The following KCND2 variants were observed in gnomAD, a reference collection of about 807,000 sequenced individuals.
KCND2 encodes A-type voltage-gated potassium channel KCND2.
In KCND2, 16 loss-of-function variants were observed where a neutral mutation model predicts 54.4. The ratio of observed to expected loss-of-function variants is 0.29; its 90% CI spans 0.20 to 0.45. The LOEUF (loss-of-function observed/expected upper bound fraction) is 0.45. Ranked by LOEUF, KCND2 falls within the 20% of genes least tolerant of loss-of-function variation. The pLI is 1.00. For synonymous variants in KCND2, 317 were observed against 310.7 expected, an observed-to-expected ratio of 1.02 and a Z score of -0.21; for missense variants, 486 against 824.2, an observed-to-expected ratio of 0.59 and a Z score of 5.02.
chr7:120,525,166 T>G (rs1791757879), intron 1 of KCND2, among the ~76,000 whole-genome samples: 1 of 152,184 alleles, frequency 6.6e-6, no homozygotes, highest in Admixed American at 6.5e-5. Flanking sequence ...TACTAACTCT[T>G]TCCCCAAATG....
chr7:120,302,345 C>T (rs192871650), intron 1 of KCND2, among the ~76,000 whole-genome samples: 14 of 152,262 alleles, frequency 9.2e-5, no homozygotes, highest in African/African-American at 2.4e-4. Context: ...CTGCAACGTA[C>T]GCCTCTGAGG....
chr7:120,406,997 C>G (rs570832985), intron 1 of KCND2, among the ~76,000 whole-genome samples: 88 of 151,822 alleles, frequency 5.8e-4, no homozygotes, highest in African/African-American at 2.1e-3. Flanking sequence ...AGCTATTCCT[C>G]GGGGATGCAG....
chr7:120,585,715 G>A (rs1399045705), intron 1 of KCND2, among the ~76,000 whole-genome samples: 1 of 152,142 alleles, frequency 6.6e-6, no homozygotes, highest in Non-Finnish European at 1.5e-5. Flanking sequence ...ATCTGGGCCA[G>A]GGCACTAAAG....
intron 1 of KCND2, among the ~76,000 whole-genome samples, chr7:120,630,963 T>C (rs1793226615): frequency 6.6e-6 from 1 of 152,134 alleles, no homozygotes; most frequent in African/African-American, 2.4e-5. Context: ...AAATCTTTGG[T>C]TTAGTGATTA....
intron 1 of KCND2, among the ~76,000 whole-genome samples, chr7:120,601,726 T>C (rs571723449): frequency 1.8e-4 from 27 of 152,290 alleles, no homozygotes; most frequent in African/African-American, 6.3e-4. Context: ...CCTTTAGCAC[T>C]GCAAAGACAC....
intron 1 of KCND2, among the ~76,000 whole-genome samples, chr7:120,611,141 A>G (rs111618555): frequency 0.039 from 5,974 of 152,296 alleles, 156 homozygotes; most frequent in Non-Finnish European, 0.065. Flanking sequence ...TGGTAAATAG[A>G]CAAGTCTACC....
chr7:120,444,477 C>T (rs1200554161), intron 1 of KCND2, among the ~76,000 whole-genome samples: 7 of 152,096 alleles, frequency 4.6e-5, no homozygotes, highest in Non-Finnish European at 1.0e-4. Flanking sequence ...GCCCTTACAT[C>T]AACATCTATA....
intron 1 of KCND2, among the ~76,000 whole-genome samples, chr7:120,294,552 A>G (rs1296088241): frequency 6.6e-6 from 1 of 151,864 alleles, no homozygotes; most frequent in East Asian, 1.9e-4. Flanking sequence ...ATACATTTAC[A>G]TATTTATAAA....
rs2116239133 is a variant in KCND2, at chr7:120,273,706, C to T, written c.-927C>T. 1 of 152,818 alleles carries T rather than the reference C, an allele frequency of 6.5e-6. No individual in the cohort carries two copies. Among genetic ancestry groups the T allele is most frequent in the East Asian group, 1.9e-4 (1 of 5,166 alleles). The allele number at this position is 152,818 out of a possible 1,614,324, so 9.5% of individuals were successfully genotyped here. On this transcript the variant is annotated 5_prime_UTR_variant, in exon 1 of 6. Coordinates refer to ENST00000331113, the MANE Select transcript of KCND2 (RefSeq NM_012281.3). ...GCTGCTTTCTCTCCTCTTCCCTTTC[C>T]GGGTGCACGGCGAGGAGAAAGTCTC...
At chr7:120,447,140 G>A (rs905983263) in intron 1 of KCND2, among the ~76,000 whole-genome samples, 1 of 152,012 alleles carries the variant, frequency 6.6e-6, no homozygotes, top group Admixed American at 6.5e-5. Flanking sequence ...TAGGAAGTTG[G>A]CCCCAAAGCC....
chr7:120,482,904 A>C (rs573832194), intron 1 of KCND2, among the ~76,000 whole-genome samples: 3 of 152,290 alleles, frequency 2.0e-5, no homozygotes, highest in East Asian at 3.9e-4. Flanking sequence ...CTTATGATTA[A>C]TTGCGTCACT....
chr7:120,573,464 C>A (rs1179363233), intron 1 of KCND2, among the ~76,000 whole-genome samples: 1 of 152,152 alleles, frequency 6.6e-6, no homozygotes, highest in Non-Finnish European at 1.5e-5. Context: ...TGAAATGAGG[C>A]CTAGCCCTGA....
intron 1 of KCND2, among the ~76,000 whole-genome samples, chr7:120,419,650 A>G (rs982887166): frequency 5.3e-5 from 8 of 151,780 alleles, no homozygotes; most frequent in Admixed American, 5.3e-4. Context: ...TTACATGTAC[A>G]TGCATGTATG....
chr7:120,661,662 G>A (rs67735430), intron 1 of KCND2, among the ~76,000 whole-genome samples: 21,082 of 104,482 alleles, frequency 0.2, 1,867 homozygotes, highest in East Asian at 0.43. Context: ...AAAAAAAAAA[G>A]AAAGAAAGGA....
intron 1 of KCND2, among the ~76,000 whole-genome samples, chr7:120,585,294 C>T (rs956659775): frequency 6.6e-6 from 1 of 151,548 alleles, no homozygotes; most frequent in Admixed American, 6.6e-5. Flanking sequence ...AGAACAGAGG[C>T]AGAGAAACAG....
chr7:120,625,831 T>G (rs1342131279), intron 1 of KCND2, among the ~76,000 whole-genome samples: 3 of 152,074 alleles, frequency 2.0e-5, no homozygotes, highest in African/African-American at 7.2e-5. Context: ...AGTGGTGATA[T>G]AGGTTTTATA....
intron 1 of KCND2, among the ~76,000 whole-genome samples, chr7:120,293,845 G>C (rs1799472304): frequency 6.6e-6 from 1 of 151,890 alleles, no homozygotes; most frequent in Admixed American, 6.6e-5. Flanking sequence ...GAAGCACATA[G>C]GGTCAACAAT....
chr7:120,560,248 T>G (rs1394333625), intron 1 of KCND2, among the ~76,000 whole-genome samples: 1 of 152,200 alleles, frequency 6.6e-6, no homozygotes, highest in Non-Finnish European at 1.5e-5. Flanking sequence ...TGCAGTTCAT[T>G]TTTATTACAC....
chr7:120,688,500 T>G (rs2116599799), intron 1 of KCND2, among the ~76,000 whole-genome samples: 1 of 152,280 alleles, frequency 6.6e-6, no homozygotes, highest in African/African-American at 2.4e-5. Flanking sequence ...GTCTGACCTT[T>G]GCCACTCTGC....
Sources: allele counts gnomAD v4.1 joint callset (sites outside exome capture counted in the v4.1 genomes callset), GRCh38; gene constraint gnomAD v4.1.1; transcripts MANE v1.5; gene names NCBI Gene and HGNC (gene_info 2026-07-23, HGNC 2026-07-21).